The following NCOA2 variants were observed in gnomAD, a reference collection of about 807,000 sequenced individuals.
NCOA2 encodes the protein class E basic helix-loop-helix protein 75.
NCOA2 carries 21 observed loss-of-function variants against 145.1 expected under a neutral mutation model. The ratio of observed to expected loss-of-function variants is 0.14; its 90% CI spans 0.10 to 0.21. NCOA2 has a LOEUF of 0.21. Among genes scored for constraint, NCOA2 ranks in the 10% least tolerant of loss-of-function variants. NCOA2 has a pLI of 1.00. For synonymous variants in NCOA2, 619 were observed against 637.5 expected, an observed-to-expected ratio of 0.97 and a Z score of 0.44; for missense variants, 1,472 against 1,837.6, an observed-to-expected ratio of 0.80 and a Z score of 3.64.
chr8:70,236,623 C>G (rs1189012119), intron 2 of NCOA2, among the ~76,000 whole-genome samples: 3 of 152,092 alleles, frequency 2.0e-5, no homozygotes, highest in Non-Finnish European at 4.4e-5. Flanking sequence ...CTCTCCGTAT[C>G]TGTGGTTCTG....
At chr8:70,409,157 C>T in the NCOA2 span, among the ~76,000 whole-genome samples, 1 of 152,146 alleles carries the variant, frequency 6.6e-6, no homozygotes, top group African/African-American at 2.4e-5. Flanking sequence ...AGATTCAATG[C>T]AATCCCAATC....
intron 7 of NCOA2, among the ~76,000 whole-genome samples, chr8:70,163,897 C>T (rs1482945735): frequency 1.3e-5 from 2 of 152,048 alleles, no homozygotes; most frequent in African/African-American, 4.8e-5. Flanking sequence ...AAAATGAAAT[C>T]CTTTCTTTTT....
intron 1 of NCOA2, among the ~76,000 whole-genome samples, chr8:70,318,039 C>T (rs1210658010): frequency 1.3e-5 from 2 of 152,160 alleles, no homozygotes; most frequent in Non-Finnish European, 2.9e-5. Flanking sequence ...ATTCAAGTTG[C>T]AGGCCATTTC....
chr8:70,435,441 A>G, the NCOA2 span, among the ~76,000 whole-genome samples: 35 of 147,150 alleles, frequency 2.4e-4, 1 homozygote, highest in East Asian at 9.8e-4. Flanking sequence ...AAAAAAAAAA[A>G]AAAAAAAAAA....
At chr8:70,358,285 TAA>T in intron 1 of NCOA2, among the ~76,000 whole-genome samples, 1 of 152,236 alleles carries the variant, frequency 6.6e-6, no homozygotes, top group African/African-American at 2.4e-5. Flanking sequence ...TATGAAAATA[TAA>T]GAGGCCCTGA....
rs185700545 is a variant in NCOA2 at position 70,199,873 on chromosome 8, C to T, written c.259+14030G>A. 3.5e-3 allele frequency among the ~76,000 whole-genome samples: 528 copies of T among 152,250 alleles called. 2 individuals are homozygous for T. Among genetic ancestry groups the T allele is most frequent in the Non-Finnish European group, 6.3e-3 (429 of 68,016 alleles). On this transcript the variant is annotated intron_variant, in intron 4 of 22. Transcript: ENST00000452400. ...TAATACTCACGCTATCAGGATTTTT[C>T]GTACCTCTATATAATGTATACAGTC...
chr8:70,410,919 G>A, the NCOA2 span, among the ~76,000 whole-genome samples: 1 of 152,164 alleles, frequency 6.6e-6, no homozygotes, highest in East Asian at 1.9e-4. Context: ...ACTGGAAAAA[G>A]GGAAGACAGA....
chr8:70,207,884 A>AAAAG lies in NCOA2; in HGVS notation c.259+6018_259+6019insCTTT, dbSNP rs1554593967. Among the ~76,000 whole-genome samples the AAAAG allele has an allele frequency of 4.9e-3, 704 of 143,958 alleles. 4 individuals are homozygous for AAAAG. The highest frequency in any genetic ancestry group is 8.3e-3 in the Non-Finnish European group (546 of 65,524). 94.4% of individuals were successfully genotyped at this position (143,958 alleles called of 152,430 possible). A position where few individuals can be genotyped will look rare whatever the true frequency, so the allele number is the denominator to read the frequency against. On this transcript the variant is annotated intron_variant, in intron 4 of 22. Transcript: ENST00000452400. ...CCTCAAAAAAAAAAAAAAAAAAAAA[A>AAAAG]AAGAAGAAGAAGAAGAAGAAAAGAA...
the NCOA2 span, among the ~76,000 whole-genome samples, chr8:70,446,756 T>C: frequency 6.6e-6 from 1 of 152,198 alleles, no homozygotes; most frequent in African/African-American, 2.4e-5. Context: ...TTCTTTCTTT[T>C]TTTTTCCAAC....
At chr8:70,154,769 G>A (rs1812105753) in intron 11 of NCOA2, among the ~76,000 whole-genome samples, 1 of 152,128 alleles carries the variant, frequency 6.6e-6, no homozygotes, top group African/African-American at 2.4e-5. Flanking sequence ...TCTCCTTAGA[G>A]GATTATCAAG....
intron 1 of NCOA2, among the ~76,000 whole-genome samples, chr8:70,317,345 T>C (rs1805674149): frequency 6.6e-6 from 1 of 152,110 alleles, no homozygotes; most frequent in Admixed American, 6.6e-5. Context: ...AAAATAAGAC[T>C]GTCGTGAGAG....
chr8:70,185,408 T>C (rs900585893), intron 4 of NCOA2, among the ~76,000 whole-genome samples: 14 of 152,162 alleles, frequency 9.2e-5, no homozygotes, highest in African/African-American at 3.4e-4. Context: ...AAAGCAGTGT[T>C]AACAATGGGA....
intron 6 of NCOA2, among the ~76,000 whole-genome samples, chr8:70,166,965 T>G (rs561873343): frequency 6.6e-6 from 1 of 152,330 alleles, no homozygotes; most frequent in East Asian, 1.9e-4. Context: ...TTTTCCAATT[T>G]TTTTTTCTTT....
At chr8:70,288,771 G>A (rs1826440435) in intron 2 of NCOA2, among the ~76,000 whole-genome samples, 2 of 152,254 alleles carry the variant, frequency 1.3e-5, no homozygotes, top group Admixed American at 1.3e-4. Flanking sequence ...ACTTTAAAGA[G>A]GAAATTTGAA....
chr8:70,422,803 A>G, the NCOA2 span, among the ~76,000 whole-genome samples: 1 of 152,146 alleles, frequency 6.6e-6, no homozygotes, highest in Non-Finnish European at 1.5e-5. Flanking sequence ...TATTGTATAT[A>G]CAATTTTATA....
intron 2 of NCOA2, among the ~76,000 whole-genome samples, chr8:70,273,184 A>G (rs941693548): frequency 6.6e-6 from 1 of 152,190 alleles, no homozygotes. Flanking sequence ...AGTAGCCTAA[A>G]GCAGTGAGCA....
At chr8:70,419,931 A>C in the NCOA2 span, among the ~76,000 whole-genome samples, 3 of 152,222 alleles carry the variant, frequency 2.0e-5, no homozygotes, top group Non-Finnish European at 4.4e-5. Flanking sequence ...CTTTGTTAAT[A>C]TGCTTGAAAT....
chr8:70,453,970 A>C, the NCOA2 span, among the ~76,000 whole-genome samples: 1 of 152,362 alleles, frequency 6.6e-6, no homozygotes, highest in East Asian at 1.9e-4. Flanking sequence ...GAGATGAAAA[A>C]GATTGAGAAT....
chr8:70,361,679 C>T (rs1377724886), intron 1 of NCOA2, among the ~76,000 whole-genome samples: 7 of 152,152 alleles, frequency 4.6e-5, no homozygotes, highest in Non-Finnish European at 8.8e-5. Flanking sequence ...TTTTACAGAA[C>T]GTAGAACCAA....
Sources: allele counts gnomAD v4.1 joint callset (sites outside exome capture counted in the v4.1 genomes callset), GRCh38; gene constraint gnomAD v4.1.1; transcripts MANE v1.5; gene names NCBI Gene and HGNC (gene_info 2026-07-23, HGNC 2026-07-21).